DGKH: variants seen among roughly 807,000 people sequenced by gnomAD.
DGKH encodes diacylglycerol kinase eta.
DGKH carries 90 observed loss-of-function variants against 159.3 expected under a neutral mutation model. The ratio of observed to expected loss-of-function variants is 0.57; its 90% CI spans 0.48 to 0.67. The LOEUF is 0.67. Among genes scored for constraint, DGKH ranks in the 30% least tolerant of loss-of-function variants. DGKH has a pLI of 0.00. For missense variants in DGKH, 1,181 were observed against 1,506.1 expected, an observed-to-expected ratio of 0.78 and a Z score of 3.57; for synonymous variants, 536 against 553.8, an observed-to-expected ratio of 0.97 and a Z score of 0.45.
chr13:42,229,330 G>A lies in DGKH; in HGVS notation c.*142G>A. ...TCTGTGGCTTGATATTTTGCTGTGG[G>A]TGAAATTTTGATTTGAGGTATTAGA... On this transcript the variant is annotated 3_prime_UTR_variant, in exon 30 of 30. Transcript: ENST00000337343. 1 of 677,332 alleles carries A rather than the reference G, an allele frequency of 1.5e-6. No homozygotes were observed. The highest frequency in any genetic ancestry group is 2.4e-6 in the Non-Finnish European group (1 of 416,794). 42.0% of individuals were successfully genotyped at this position (677,332 alleles called of 1,614,324 possible).
At chr13:42,211,376 T>C (rs1395756053) in intron 24 of DGKH, among the ~76,000 whole-genome samples, 1 of 152,074 alleles carries the variant, frequency 6.6e-6, no homozygotes, top group African/African-American at 2.4e-5. Flanking sequence ...TATGAAGAAA[T>C]ACCTGAGACC....
chr13:42,180,395 G>C (rs192978288), intron 13 of DGKH, among the ~76,000 whole-genome samples: 2 of 152,352 alleles, frequency 1.3e-5, no homozygotes, highest in East Asian at 3.9e-4. Flanking sequence ...GTTTTTTCTA[G>C]TGTTCAATCC....
chr13:42,070,756 G>C, intron 1 of DGKH: 1 of 1,588,726 alleles, frequency 6.3e-7, no homozygotes, highest in South Asian at 1.1e-5. Context: ...AGACAAGTCT[G>C]TCTTCATGTA....
At chr13:42,050,857 A>G (rs902058244) in intron 1 of DGKH, among the ~76,000 whole-genome samples, 3 of 152,110 alleles carry the variant, frequency 2.0e-5, no homozygotes, top group Non-Finnish European at 2.9e-5. Flanking sequence ...ACTGTCTCTT[A>G]AACAAACAAG....
intron 20 of DGKH, among the ~76,000 whole-genome samples, chr13:42,204,049 A>G (rs796200324): frequency 8.5e-5 from 13 of 152,294 alleles, no homozygotes; most frequent in African/African-American, 3.1e-4. Flanking sequence ...TAATATATAT[A>G]TATTCACTTC....
At position 42,059,815 on chromosome 13, in the gene DGKH, A is replaced by C. The variant is rs1882010715; in HGVS notation, c.192+10850A>C. 2.6e-5 allele frequency among the ~76,000 whole-genome samples: 4 copies of C among 151,994 alleles called. No individual in the cohort carries two copies. The South Asian group carries it at 8.3e-4, about 32-fold the overall frequency. On this transcript the variant is annotated intron_variant, in intron 1 of 29. Coordinates refer to ENST00000337343, the MANE Select transcript of DGKH (RefSeq NM_178009.5). ...TCGAGTGGTCTCTAGTTTTCAGTCAACTGCTTCTTGCCAATTTGGATGCTA... is the reference window on the plus strand; with the variant it reads ...TCGAGTGGTCTCTAGTTTTCAGTCACCTGCTTCTTGCCAATTTGGATGCTA...
At chr13:42,205,758 A>C (rs1957451834) in intron 20 of DGKH, among the ~76,000 whole-genome samples, 2 of 152,226 alleles carry the variant, frequency 1.3e-5, no homozygotes, top group Admixed American at 1.3e-4. Flanking sequence ...AAAAGGCCTG[A>C]AAATGATTCA....
chr13:42,083,951 C>T (rs922551921), intron 1 of DGKH, among the ~76,000 whole-genome samples: 1 of 152,134 alleles, frequency 6.6e-6, no homozygotes, highest in Non-Finnish European at 1.5e-5. Context: ...CATTCCTGCC[C>T]GTCTCTACCT....
intron 26 of DGKH, chr13:42,216,742 G>T (rs1208392904): frequency 6.6e-6 from 1 of 152,180 alleles, no homozygotes; most frequent in Non-Finnish European, 1.5e-5. Context: ...CTCTACTATG[G>T]CCATGAAGAA....
chr13:42,165,118 AC>A (rs1956279435), intron 7 of DGKH, among the ~76,000 whole-genome samples: 1 of 152,082 alleles, frequency 6.6e-6, no homozygotes, highest in Non-Finnish European at 1.5e-5. Context: ...TGAGATAATT[AC>A]AAAAATTGGT....
At chr13:42,151,538 T>C (rs1258773978) in intron 3 of DGKH, among the ~76,000 whole-genome samples, 409 of 136,740 alleles carry the variant, frequency 3.0e-3, no homozygotes, top group African/African-American at 4.2e-3. Context: ...CGTGTATATA[T>C]ATATATACAC....
At chr13:42,127,645 G>T in intron 2 of DGKH, 72 bp downstream of exon 2, 1 of 1,255,438 alleles carries the variant, frequency 8.0e-7, no homozygotes, top group Non-Finnish European at 1.1e-6. Flanking sequence ...TCTGTAAGCT[G>T]TTTTTGTCTT....
intron 7 of DGKH, among the ~76,000 whole-genome samples, chr13:42,163,786 C>G (rs9525586): frequency 3.3e-5 from 5 of 150,334 alleles, no homozygotes; most frequent in Non-Finnish European, 1.5e-5. Flanking sequence ...GAGTAGGTTG[C>G]GAAAATTTTC....
intron 3 of DGKH, among the ~76,000 whole-genome samples, chr13:42,143,885 G>A (rs1169964796): frequency 1.3e-5 from 2 of 151,796 alleles, no homozygotes; most frequent in Non-Finnish European, 2.9e-5. Context: ...AGGGTTTTTT[G>A]TGTCTCTATT....
chr13:42,182,787 A>T (rs765390681), intron 13 of DGKH, among the ~76,000 whole-genome samples: 1 of 152,122 alleles, frequency 6.6e-6, no homozygotes, highest in Admixed American at 6.5e-5. Context: ...TAATCTTTTT[A>T]AAAATCTAAA....
chr13:42,123,187 T>C (rs1197518719), intron 1 of DGKH, among the ~76,000 whole-genome samples: 2 of 152,186 alleles, frequency 1.3e-5, no homozygotes, highest in Non-Finnish European at 2.9e-5. Flanking sequence ...ATGTATATTA[T>C]AAATTTCAAA....
At chr13:42,060,125 C>T (rs1219368059) in intron 1 of DGKH, among the ~76,000 whole-genome samples, 2 of 151,358 alleles carry the variant, frequency 1.3e-5, no homozygotes, top group Non-Finnish European at 2.9e-5. Context: ...AGGCTGGTCT[C>T]GAACTCCTGA....
intron 28 of DGKH, among the ~76,000 whole-genome samples, chr13:42,220,245 C>A (rs1957930179): frequency 6.6e-6 from 1 of 152,104 alleles, no homozygotes; most frequent in African/African-American, 2.4e-5. Flanking sequence ...ATTTAACTTG[C>A]CGATTACATT....
At chr13:42,120,409 T>A (rs970911514) in intron 1 of DGKH, among the ~76,000 whole-genome samples, 2 of 152,214 alleles carry the variant, frequency 1.3e-5, no homozygotes, top group Admixed American at 1.3e-4. Flanking sequence ...TAAATAAGTA[T>A]ATTTCAAACT....
Sources: allele counts gnomAD v4.1 joint callset (sites outside exome capture counted in the v4.1 genomes callset), GRCh38; gene constraint gnomAD v4.1.1; transcripts MANE v1.5; gene names NCBI Gene and HGNC (gene_info 2026-07-23, HGNC 2026-07-21).